Variants in ELP2 observed in about 807,000 individuals in gnomAD.
ELP2 encodes elongator acetyltransferase complex subunit 2, also known as elongator complex protein 2.
A neutral mutation model predicts 119.2 loss-of-function variants in ELP2; 90 were observed. The observed-to-expected ratio is 0.75, with a 90% CI of 0.64 to 0.90. The LOEUF (loss-of-function observed/expected upper bound fraction) is 0.90, where lower values mean the gene tolerates loss of function less well. Ranked by LOEUF, ELP2 falls within the 40% of genes least tolerant of loss-of-function variation. The probability of loss-of-function intolerance (pLI) is 0.00; values close to 1 mark genes in which losing one functional copy is unlikely to be tolerated. For synonymous variants in ELP2, 339 were observed against 331.0 expected (o/e 1.02, Z -0.26); for missense variants, 921 against 967.8 (o/e 0.95, Z 0.64).
At chr18:36,140,411 A>G (rs1598748439) in intron 5 of ELP2, among the ~76,000 whole-genome samples, 1 of 152,064 alleles carries the variant, frequency 6.6e-6, no homozygotes. Flanking sequence ...CAGTGGTGCA[A>G]TCTCGGCTCA....
At chr18:36,145,819 A>G (rs1016756090) in intron 9 of ELP2, 129 bp from the exon 10 acceptor site, 8 of 818,858 alleles carry the variant, frequency 9.8e-6, no homozygotes, top group African/African-American at 5.0e-5. Context: ...GGTGTTTGCA[A>G]TTTTTTGCTA....
chr18:36,139,347 T>A, intron 5 of ELP2: 1 of 1,399,824 alleles, frequency 7.1e-7, no homozygotes, highest in Non-Finnish European at 9.5e-7. Flanking sequence ...GAAACCCATC[T>A]GTATTTATCT....
intron 18 of ELP2, among the ~76,000 whole-genome samples, chr18:36,166,459 T>C (rs904670011): frequency 1.3e-5 from 2 of 149,748 alleles, no homozygotes; most frequent in African/African-American, 4.9e-5. Context: ...GCCTCCTGAG[T>C]AGCTGGGATT....
intron 7 of ELP2, 41 bp downstream of exon 7, chr18:36,142,388 A>C (rs1247797579): frequency 1.4e-6 from 2 of 1,477,362 alleles, no homozygotes; most frequent in Non-Finnish European, 1.9e-6. Context: ...AATGGGAACA[A>C]ATATGTGTTA....
intron 11 of ELP2, among the ~76,000 whole-genome samples, chr18:36,149,840 C>T (rs1490648199): frequency 6.6e-6 from 1 of 152,056 alleles, no homozygotes; most frequent in East Asian, 1.9e-4. Flanking sequence ...TTATTTTAGA[C>T]AACCGATGTT....
rs369928198 is a variant in ELP2 at position 36,142,862 on chromosome 18, G to T, written c.692G>T (p.Cys231Phe). The T allele has an allele frequency of 6.2e-7, 1 of 1,606,334 alleles. No individual in the cohort carries two copies. The highest frequency in any genetic ancestry group is 8.5e-7 in the Non-Finnish European group (1 of 1,174,146). ...DLFLASCSQDCLIRIWKLYIK... is the reference protein window; with the variant it reads ...DLFLASCSQDFLIRIWKLYIK... ...TTCCTAGCAAGCTGTTCACAAGATTGCCTGATAAGAATATGGAAGCTGTAT... is the reference window on the plus strand; with the variant it reads ...TTCCTAGCAAGCTGTTCACAAGATTTCCTGATAAGAATATGGAAGCTGTAT... The change falls in exon 8 of 22, where the codon TGC (cysteine) becomes TTC (phenylalanine). Residue 231 changes from cysteine (C) to phenylalanine (F), a missense_variant. Cys to Phe is a radical substitution (Grantham distance 205). Coordinates refer to ENST00000358232, the MANE Select transcript of ELP2 (RefSeq NM_018255.4).
At chr18:36,153,845 G>A (rs981992582) in intron 11 of ELP2, among the ~76,000 whole-genome samples, 17 of 151,162 alleles carry the variant, frequency 1.1e-4, no homozygotes, top group African/African-American at 3.9e-4. Context: ...GAGTTTCCAC[G>A]TCCCTCTACC....
intron 11 of ELP2, 47 bp downstream of exon 11, chr18:36,146,428 C>G: frequency 6.3e-7 from 1 of 1,591,044 alleles, no homozygotes; most frequent in African/African-American, 1.3e-5. Context: ...AAATAGAGTA[C>G]ATTCTAGGTA....
intron 8 of ELP2, among the ~76,000 whole-genome samples, chr18:36,144,189 C>G (rs929822681): frequency 2.0e-5 from 3 of 151,860 alleles, no homozygotes; most frequent in Non-Finnish European, 4.4e-5. Context: ...ATGATATAAC[C>G]AGCATATTAG....
intron 21 of ELP2, among the ~76,000 whole-genome samples, chr18:36,174,154 A>G (rs989111672): frequency 6.6e-6 from 1 of 152,226 alleles, no homozygotes; most frequent in African/African-American, 2.4e-5. Flanking sequence ...ACTAACTTGA[A>G]TATCCATTTC....
At chr18:36,165,696 A>G (rs935239742) in intron 18 of ELP2, among the ~76,000 whole-genome samples, 1 of 152,222 alleles carries the variant, frequency 6.6e-6, no homozygotes, top group African/African-American at 2.4e-5. Context: ...AGTCTGGCCA[A>G]CATGGTGAAA....
intron 2 of ELP2, among the ~76,000 whole-genome samples, chr18:36,134,085 C>T (rs2089741829): frequency 6.6e-6 from 1 of 151,934 alleles, no homozygotes; most frequent in Non-Finnish European, 1.5e-5. Flanking sequence ...CCTCTTTAGC[C>T]TCCCAAAGTG....
chr18:36,146,350 T>C lies in ELP2; in HGVS notation c.1094T>C (p.Leu365Ser). The change falls in exon 11 of 22, where the codon TTG (leucine) becomes TCG (serine). Residue 365 changes from leucine to serine, a missense_variant. By Grantham distance (145) the Leu-to-Ser change is moderately radical (BLOSUM62 -2). Coordinates refer to ENST00000358232, the MANE Select transcript of ELP2 (RefSeq NM_018255.4). ...ATTGCTCATGCTTTCCACGGAGCGT[T>C]GCACCTTTGGAAACAGAATACAGTT... Reference protein sequence around the residue: ...MIIAHAFHGALHLWKQNTVNP... With the variant: ...MIIAHAFHGASHLWKQNTVNP... 1 of 1,614,140 alleles carries C rather than the reference T, an allele frequency of 6.2e-7. No individual in the cohort carries two copies. The highest frequency in any genetic ancestry group is 8.5e-7 in the Non-Finnish European group (1 of 1,179,962).
At chr18:36,153,350 C>T (rs2090462690) in intron 11 of ELP2, among the ~76,000 whole-genome samples, 1 of 152,128 alleles carries the variant, frequency 6.6e-6, no homozygotes, top group Non-Finnish European at 1.5e-5. Context: ...CCCTTTTATC[C>T]TTTTTCTTCC....
At chr18:36,166,339 T>TTG (rs2090904138) in intron 18 of ELP2, among the ~76,000 whole-genome samples, 1 of 127,276 alleles carries the variant, frequency 7.9e-6, no homozygotes, top group Non-Finnish European at 1.6e-5. Flanking sequence ...TTTTTTTTTT[T>TTG]TTTTTTTTCA....
chr18:36,151,268 A>G (rs1045735987), intron 11 of ELP2, among the ~76,000 whole-genome samples: 1 of 151,640 alleles, frequency 6.6e-6, no homozygotes, highest in African/African-American at 2.4e-5. Context: ...TTTTTTGTAG[A>G]GACGGGGTTT....
chr18:36,166,329 T>C, intron 18 of ELP2, among the ~76,000 whole-genome samples: 1 of 54,294 alleles, frequency 1.8e-5, no homozygotes, highest in East Asian at 4.0e-4. Context: ...GTTTTTTTTT[T>C]TTTTTTTTTT....
intron 17 of ELP2, among the ~76,000 whole-genome samples, chr18:36,164,161 T>C (rs2090823609): frequency 6.6e-6 from 1 of 152,120 alleles, no homozygotes; most frequent in South Asian, 2.1e-4. Flanking sequence ...TTTCATTTTA[T>C]TTTTCCCCCT....
chr18:36,139,527 TTCTGTGCAAGGC>T (rs1262809069), intron 5 of ELP2: 1 of 1,535,746 alleles, frequency 6.5e-7, no homozygotes, highest in South Asian at 1.2e-5. Flanking sequence ...TACGCTTCCA[TTCTGTGCAAGGC>T]TCTGTGGAAG....
Sources: gnomAD v4.1 joint callset for allele counts (sites outside exome capture counted in the v4.1 genomes callset) on GRCh38, gnomAD v4.1.1 for gene constraint, MANE v1.5 for transcripts, NCBI Gene and HGNC (gene_info 2026-07-23, HGNC 2026-07-21) for gene names.